The following AASS variants were observed in gnomAD, a reference collection of about 807,000 sequenced individuals.
AASS encodes the protein alpha-aminoadipic semialdehyde synthase, mitochondrial.
AASS carries 86 observed loss-of-function variants against 105.4 expected under a neutral mutation model. That is an observed-to-expected ratio of 0.82 (90% CI 0.69 to 0.98). The LOEUF is 0.98. Among genes scored for constraint, AASS ranks in the 50% least tolerant of loss-of-function variants. The probability of loss-of-function intolerance (pLI) is 0.00; values close to 1 mark genes in which losing one functional copy is unlikely to be tolerated. For synonymous variants in AASS, 381 were observed against 394.8 expected (o/e 0.96, Z 0.41); for missense variants, 1,048 against 1,143.2 (o/e 0.92, Z 1.20).
Position 122,092,773 on chromosome 7 carries a change from C to G in AASS, c.1875+70G>C, listed in dbSNP as rs913630925. 4 of 1,269,932 alleles carry G rather than the reference C, an allele frequency of 3.1e-6. No individual in the cohort carries two copies. The African/African-American group carries it at 5.9e-5, about 19-fold the overall frequency. 78.7% of individuals were successfully genotyped at this position (1,269,932 alleles called of 1,614,324 possible). A position where few individuals can be genotyped will look rare whatever the true frequency, so the allele number is the denominator to read the frequency against. Reference sequence around the variant, plus strand: ...GATTAAAGGTGTTGCTATATTATAACTCATACTTTGATTCTGTACACAAGA... The same window carrying G: ...GATTAAAGGTGTTGCTATATTATAAGTCATACTTTGATTCTGTACACAAGA... On this transcript the variant is annotated intron_variant, in intron 17 of 23. Coordinates refer to ENST00000417368, the MANE Select transcript of AASS (RefSeq NM_005763.4).
At chr7:122,093,626 A>T (rs1794009935) in intron 15 of AASS, among the ~76,000 whole-genome samples, 1 of 152,086 alleles carries the variant, frequency 6.6e-6, no homozygotes. Context: ...CTTGGACAAG[A>T]TGGTGAAACA....
rs1584829865 is a variant in AASS, at chr7:122,093,573, G to A, written c.1656-415C>T. Among the ~76,000 whole-genome samples the A allele has an allele frequency of 3.3e-5, 5 of 152,228 alleles. 1 individual carries two copies. Among genetic ancestry groups the A allele is most frequent in the Admixed American group, 3.3e-4 (5 of 15,284 alleles). The stretch of plus-strand genomic sequence containing the variant: ...GCCTGTAATCCCAGAACTTTGGGAG[G>A]CCAAAGACAGGTGAGTCGCTTGGGC... On this transcript the variant is annotated intron_variant, in intron 15 of 23. Transcript: ENST00000417368.
At chr7:122,113,780 A>T (rs549522474) in intron 9 of AASS, 60 bp from the exon 10 acceptor site, 22 of 1,453,154 alleles carry the variant, frequency 1.5e-5, no homozygotes, top group South Asian at 7.2e-5. Context: ...CAACAAGACT[A>T]AAAAAAAAGG....
intron 19 of AASS, chr7:122,082,804 G>A (rs1793427830): frequency 7.8e-7 from 1 of 1,288,468 alleles, no homozygotes; most frequent in South Asian, 1.2e-5. Flanking sequence ...GGGGCTGGGT[G>A]GTTCAAGGGG....
chr7:122,133,480 C>A (rs1053553632), intron 2 of AASS, 37 bp downstream of exon 2: 2 of 1,600,804 alleles, frequency 1.2e-6, no homozygotes, highest in Non-Finnish European at 1.7e-6. Flanking sequence ...TATGCAGGTT[C>A]ATTTTATTCT....
At chr7:122,078,520 G>C (rs1344359023) in intron 22 of AASS, among the ~76,000 whole-genome samples, 4 of 150,114 alleles carry the variant, frequency 2.7e-5, no homozygotes, top group Admixed American at 1.3e-4. Flanking sequence ...GCTGAGGCAG[G>C]AGAATCTCTT....
chr7:122,116,826 T>C, intron 7 of AASS, 53 bp downstream of exon 7: 1 of 1,611,744 alleles, frequency 6.2e-7, no homozygotes, highest in Non-Finnish European at 8.5e-7. Context: ...TGATAAAATA[T>C]TATAACATAG....
chr7:122,126,657 A>G (rs369522286), intron 3 of AASS, among the ~76,000 whole-genome samples, 198 bp from the exon 4 acceptor site: 3 of 152,164 alleles, frequency 2.0e-5, no homozygotes, highest in African/African-American at 7.2e-5. Flanking sequence ...TTGTAATTAG[A>G]AATGAAAAAA....
At chr7:122,132,116 C>G (rs1321699041) in intron 2 of AASS, among the ~76,000 whole-genome samples, 1 of 152,134 alleles carries the variant, frequency 6.6e-6, no homozygotes, top group Non-Finnish European at 1.5e-5. Context: ...AAGCAACATC[C>G]TAAGATTCAT....
At chr7:122,142,715 C>T (rs913860243) in intron 1 of AASS, among the ~76,000 whole-genome samples, 13 of 151,990 alleles carry the variant, frequency 8.6e-5, no homozygotes, top group Non-Finnish European at 4.4e-5. Context: ...TTGTAGCCTT[C>T]CCAAGAAAAC....
chr7:122,082,001 T>G (rs1584809418), intron 19 of AASS, among the ~76,000 whole-genome samples: 1 of 152,288 alleles, frequency 6.6e-6, no homozygotes, highest in African/African-American at 2.4e-5. Flanking sequence ...CAGAGTATTA[T>G]TTAACAGAAC....
intron 17 of AASS, among the ~76,000 whole-genome samples, chr7:122,092,336 A>G (rs1793943756): frequency 1.3e-5 from 2 of 152,174 alleles, no homozygotes; most frequent in Non-Finnish European, 2.9e-5. Flanking sequence ...ATCTTATTAC[A>G]GAATCTTCAA....
intron 11 of AASS, among the ~76,000 whole-genome samples, chr7:122,104,216 G>A (rs1794559185): frequency 6.6e-6 from 1 of 151,984 alleles, no homozygotes; most frequent in South Asian, 2.1e-4. Flanking sequence ...GCAAAGTTAT[G>A]GAACCAATCT....
Position 122,133,383 on chromosome 7 carries a change from G to A in AASS, c.210+134C>T, listed in dbSNP as rs1795996239. 2.9e-6 allele frequency: 3 copies of A among 1,022,906 alleles called. No homozygotes were observed. The South Asian group carries it at 4.1e-5, about 14-fold the overall frequency. 63.4% of individuals were successfully genotyped at this position (1,022,906 alleles called of 1,614,324 possible). A position where few individuals can be genotyped will look rare whatever the true frequency, so the allele number is the denominator to read the frequency against. ...ATTCCTCAGCTGGAGTAAGCATAGG[G>A]TGAAAATAATACTTTTAATCAAAGT... is the stretch of plus-strand genomic sequence containing the variant. On this transcript the variant is annotated intron_variant, in intron 2 of 23. Coordinates refer to ENST00000417368, the MANE Select transcript of AASS (RefSeq NM_005763.4).
At chr7:122,128,095 C>T (rs547042497) in intron 3 of AASS, among the ~76,000 whole-genome samples, 1 of 152,290 alleles carries the variant, frequency 6.6e-6, no homozygotes, top group Admixed American at 6.5e-5. Flanking sequence ...TCATATTCCA[C>T]CTTTATGTCA....
intron 19 of AASS, among the ~76,000 whole-genome samples, chr7:122,085,157 A>G (rs1793561212): frequency 6.6e-6 from 1 of 152,200 alleles, no homozygotes; most frequent in South Asian, 2.1e-4. Context: ...ACTGATGCAC[A>G]AATTGGATGG....
intron 4 of AASS, among the ~76,000 whole-genome samples, chr7:122,119,450 A>G (rs1795337806): frequency 6.6e-6 from 1 of 152,094 alleles, no homozygotes; most frequent in Non-Finnish European, 1.5e-5. Context: ...CTCAATTTGG[A>G]TGTTCTTCAG....
At chr7:122,092,738 C>G in intron 17 of AASS, 105 bp downstream of exon 17, 9 of 981,332 alleles carry the variant, frequency 9.2e-6, no homozygotes, top group Non-Finnish European at 1.4e-5. Context: ...AAAAAAAAAT[C>G]TTTAACTTTG....
rs1241088669 is a variant in AASS at position 122,075,085 on chromosome 7, T to C, written c.*1404A>G. ...TTTGTAGAGATGGGATCTCACTGTT[T>C]CCCAGGCTGGTCTCCTGGCCTCTAG... is the stretch of plus-strand genomic sequence containing the variant. On this transcript the variant is annotated 3_prime_UTR_variant, in exon 24 of 24. Coordinates refer to ENST00000417368, the MANE Select transcript of AASS (RefSeq NM_005763.4). Among the ~76,000 whole-genome samples the C allele has an allele frequency of 6.6e-6, 1 of 152,162 alleles. No individual in the cohort carries two copies. Among genetic ancestry groups the C allele is most frequent in the Non-Finnish European group, 1.5e-5 (1 of 68,030 alleles).
Sources: allele counts gnomAD v4.1 joint callset (sites outside exome capture counted in the v4.1 genomes callset), GRCh38; gene constraint gnomAD v4.1.1; transcripts MANE v1.5; gene names NCBI Gene and HGNC (gene_info 2026-07-23, HGNC 2026-07-21).